The following PPP1R2 variants were observed in gnomAD, a reference collection of about 807,000 sequenced individuals.
The protein encoded by PPP1R2 is protein phosphatase 1 regulatory inhibitor subunit 2.
A neutral mutation model predicts 29.9 loss-of-function variants in PPP1R2; 16 were observed. That is an observed-to-expected ratio of 0.53 (90% CI 0.36 to 0.81). The LOEUF (loss-of-function observed/expected upper bound fraction) is 0.81, where lower values mean the gene tolerates loss of function less well. Ranked by LOEUF, PPP1R2 falls within the 30% of genes least tolerant of loss-of-function variation. The pLI, the probability that PPP1R2 is intolerant of heterozygous loss-of-function variation, is 0.00. For missense variants in PPP1R2, 197 were observed against 252.7 expected (o/e 0.78, Z 1.49); for synonymous variants, 76 against 91.5 (o/e 0.83, Z 0.96).
intron 4 of PPP1R2, among the ~76,000 whole-genome samples, chr3:195,522,377 A>T (rs2108940463): frequency 6.6e-6 from 1 of 152,330 alleles, no homozygotes; most frequent in African/African-American, 2.4e-5. Flanking sequence ...CATCTATATA[A>T]TTCAGTAATA....
At position 195,516,952 on chromosome 3, in the gene PPP1R2, T is replaced by C. The variant is rs749441305; in HGVS notation, c.572-10A>G. On this transcript the variant is annotated splice_polypyrimidine_tract_variant and intron_variant, in intron 5 of 5. Coordinates refer to ENST00000618156, the MANE Select transcript of PPP1R2 (RefSeq NM_006241.8). Reference sequence around the variant, plus strand: ...TCACTTGGAGTAGATCCTGCAAAGATAAAAGAAAAAGTCAACATAATTTGT... The same window carrying C: ...TCACTTGGAGTAGATCCTGCAAAGACAAAAGAAAAAGTCAACATAATTTGT... 5 of 1,610,246 alleles carry C rather than the reference T, an allele frequency of 3.1e-6. No homozygotes were observed. The highest frequency in any genetic ancestry group is 3.3e-5 in the Admixed American group (2 of 59,958).
chr3:195,529,431 C>T (rs539840575), intron 2 of PPP1R2: 32 of 165,200 alleles, frequency 1.9e-4, no homozygotes, highest in African/African-American at 7.4e-4. Flanking sequence ...TGCAGTTATG[C>T]TTCTCTGCAA....
rs1216064749 is a variant in PPP1R2 at position 195,522,648 on chromosome 3, AG to A, written c.403+1043del. On this transcript the variant is annotated intron_variant, in intron 4 of 5. Transcript: ENST00000618156. ...ATAAATGGAAAGTCACTGAAAGTTG[AG>A]ATACAATACAACTTGAGAATATGCT... 3.9e-5 allele frequency among the ~76,000 whole-genome samples: 6 copies of A among 152,350 alleles called. No homozygotes were observed. The Middle Eastern group carries it at 0.01, about 259-fold the overall frequency.
At chr3:195,519,249 T>C (rs1718666667) in intron 4 of PPP1R2, 64 bp from the exon 5 acceptor site, 2 of 1,225,606 alleles carry the variant, frequency 1.6e-6, no homozygotes, top group Non-Finnish European at 2.3e-6. Flanking sequence ...GCCTGTTTTA[T>C]AAATAAAATT....
At chr3:195,522,615 T>C (rs755601393) in intron 4 of PPP1R2, among the ~76,000 whole-genome samples, 17 of 152,208 alleles carry the variant, frequency 1.1e-4, no homozygotes, top group Non-Finnish European at 2.2e-4. Context: ...GGGGTATATT[T>C]TGGGAAAATA....
chr3:195,542,478 C>T (rs945650041), intron 1 of PPP1R2, among the ~76,000 whole-genome samples: 2 of 152,160 alleles, frequency 1.3e-5, no homozygotes, highest in African/African-American at 4.8e-5. Context: ...GAAATGGTCT[C>T]TTCTTTGACG....
At chr3:195,542,501 G>C (rs181351913) in intron 1 of PPP1R2, among the ~76,000 whole-genome samples, 1 of 152,112 alleles carries the variant, frequency 6.6e-6, no homozygotes, top group Admixed American at 6.5e-5. Context: ...TCGCCTATTA[G>C]CTTGAGACTA....
intron 2 of PPP1R2, chr3:195,528,712 T>C (rs1177963242): frequency 2.5e-4 from 33 of 130,228 alleles, no homozygotes; most frequent in African/African-American, 8.5e-4. Flanking sequence ...ATTTTTTTTT[T>C]TTTTTTTTTT....
In PPP1R2 at chr3:195,524,853, T is replaced by G. The variant is rs780994302; in HGVS notation, c.274A>C (p.Thr92Pro). ...AAGATGTCTGGCGCCATGGCTTCAG[T>G]GGCCTCGGTGTCACTACAGGCATCT... ...DEDACSDTEA[T>P]EAMAPDILAR... The change falls in exon 3 of 6, where the codon ACT (threonine) becomes CCT (proline). Residue 92 changes from threonine (T) to proline (P), a missense_variant. Thr to Pro is a conservative substitution (Grantham distance 38, BLOSUM62 -1). This residue lies in a region of PPP1R2 where 135 missense variants were observed against 163.0 expected (regional missense o/e 0.83). Transcript: ENST00000618156. 2.6e-5 allele frequency: 42 copies of G among 1,614,182 alleles called. No individual in the cohort carries two copies. The highest frequency in any genetic ancestry group is 3.6e-5 in the Non-Finnish European group (42 of 1,180,022).
At chr3:195,536,345 G>A (rs1236465671) in intron 1 of PPP1R2, among the ~76,000 whole-genome samples, 2 of 148,088 alleles carry the variant, frequency 1.4e-5, no homozygotes, top group East Asian at 2.0e-4. Flanking sequence ...GTGAGACACC[G>A]CACCCAGCCA....
rs556510366 is a variant in PPP1R2, at chr3:195,523,656, A to G, written c.403+36T>C. ...TGGATTTATCTTAGCAAAAATTACT[A>G]GCACCATGATGAAAGCAGTAAAGGA... is the stretch of plus-strand genomic sequence containing the variant. On this transcript the variant is annotated intron_variant, in intron 4 of 5. Transcript: ENST00000618156. The G allele has an allele frequency of 7.2e-6, 11 of 1,533,418 alleles. No homozygotes were observed. In the Middle Eastern group the frequency reaches 7.1e-4, roughly 98 times the overall value. The allele number at this position is 1,533,418 out of a possible 1,614,324, so 95.0% of individuals were successfully genotyped here. A position where few individuals can be genotyped will look rare whatever the true frequency, so the allele number is the denominator to read the frequency against.
At chr3:195,520,667 T>C (rs1295741996) in intron 4 of PPP1R2, among the ~76,000 whole-genome samples, 1 of 152,144 alleles carries the variant, frequency 6.6e-6, no homozygotes, top group East Asian at 1.9e-4. Context: ...TAAGGGTATT[T>C]ACAGTACTTT....
intron 1 of PPP1R2, 45 bp downstream of exon 1, chr3:195,542,859 C>G: frequency 6.4e-7 from 1 of 1,566,224 alleles, no homozygotes; most frequent in Non-Finnish European, 8.7e-7. Context: ...GGTAACGGGC[C>G]CGGCGGGAAG....
In PPP1R2 at chr3:195,516,635, G is replaced by C. The variant is rs1266670670; in HGVS notation, c.*261C>G. ...TATAATATCTTATACAAATTAACCA[G>C]TGTTTTTACAAAAGTAATGCAGTTT... On this transcript the variant is annotated 3_prime_UTR_variant, in exon 6 of 6. Transcript: ENST00000618156. 3 of 386,900 alleles carry C rather than the reference G, an allele frequency of 7.8e-6. No individual in the cohort carries two copies. Among genetic ancestry groups the C allele is most frequent in the Non-Finnish European group, 1.4e-5 (3 of 215,050 alleles). The allele number at this position is 386,900 out of a possible 1,614,324, so 24.0% of individuals were successfully genotyped here.
chr3:195,525,690 T>C (rs1718945382), intron 2 of PPP1R2, among the ~76,000 whole-genome samples: 1 of 152,202 alleles, frequency 6.6e-6, no homozygotes, highest in African/African-American at 2.4e-5. Context: ...TTTCTCACTC[T>C]ACCCTCTAAT....
At chr3:195,523,204 T>G (rs1265048708) in intron 4 of PPP1R2, 1 of 160,668 alleles carries the variant, frequency 6.2e-6, no homozygotes, top group Non-Finnish European at 1.4e-5. Flanking sequence ...GCTGTCTCCA[T>G]CTCCCTTCCT....
rs183938884 is a variant in PPP1R2 at position 195,540,048 on chromosome 3, G to A, written c.122+2856C>T. On this transcript the variant is annotated intron_variant, in intron 1 of 5. Transcript: ENST00000618156. ...AAACTATCATCGCATTTTACACAAC[G>A]AAGACACCTATAAAAGGTAGGGTTC... 1.1e-3 allele frequency among the ~76,000 whole-genome samples: 160 copies of A among 152,238 alleles called. 1 individual carries two copies. Among genetic ancestry groups the A allele is most frequent in the African/African-American group, 3.7e-3 (152 of 41,552 alleles).
chr3:195,524,845 G>A lies in PPP1R2; in HGVS notation c.282C>T (p.Ala94=). The change falls in exon 3 of 6, where the codon GCC becomes GCT. Residue 94 remains alanine (A), a synonymous_variant. Transcript: ENST00000618156. ...TCCTGGCTAAGATGTCTGGCGCCAT[G>A]GCTTCAGTGGCCTCGGTGTCACTAC... ...DACSDTEATE[A]MAPDILARKL... 6.2e-7 allele frequency: 1 copy of A among 1,614,106 alleles called. No homozygotes were observed. Among genetic ancestry groups the A allele is most frequent in the Non-Finnish European group, 8.5e-7 (1 of 1,180,010 alleles).
intron 2 of PPP1R2, chr3:195,527,804 T>C: frequency 4.3e-6 from 1 of 233,490 alleles, no homozygotes; most frequent in Non-Finnish European, 8.7e-6. Flanking sequence ...AGTTCCAGGC[T>C]GTAGTGTGCT....
Sources: gnomAD v4.1 joint callset for allele counts (sites outside exome capture counted in the v4.1 genomes callset) on GRCh38, gnomAD v4.1.1 for gene constraint, gnomAD v4.1.1 regional missense constraint, MANE v1.5 for transcripts, NCBI Gene and HGNC (gene_info 2026-07-23, HGNC 2026-07-21) for gene names.